SUCLG2: variants seen among roughly 807,000 people sequenced by gnomAD.
SUCLG2 encodes the protein succinate--CoA ligase [GDP-forming] subunit beta, mitochondrial.
A neutral mutation model predicts 47.9 loss-of-function variants in SUCLG2; 42 were observed. That is an observed-to-expected ratio of 0.88 (90% CI 0.69 to 1.14). The LOEUF is 1.14. Among genes scored for constraint, SUCLG2 ranks in the 50% most tolerant of loss-of-function variants. The pLI is 0.00. For synonymous variants in SUCLG2, 195 were observed against 197.3 expected (o/e 0.99, Z 0.10); for missense variants, 571 against 525.9 (o/e 1.09, Z -0.84).
At chr3:67,624,333 A>G (rs151138503) in intron 1 of SUCLG2, among the ~76,000 whole-genome samples, 3 of 152,356 alleles carry the variant, frequency 2.0e-5, no homozygotes, top group African/African-American at 4.8e-5. Context: ...TTCTCTGTGC[A>G]GAATGATAAT....
At chr3:67,499,933 G>A (rs1036047545) in intron 7 of SUCLG2, among the ~76,000 whole-genome samples, 18 of 152,068 alleles carry the variant, frequency 1.2e-4, no homozygotes, top group African/African-American at 3.6e-4. Flanking sequence ...GGGTTTCACC[G>A]TGTTAGCCAG....
intron 4 of SUCLG2, 48 bp downstream of exon 4, chr3:67,528,084 C>T: frequency 1.3e-6 from 2 of 1,530,104 alleles, no homozygotes; most frequent in Non-Finnish European, 1.8e-6. Flanking sequence ...GTTTTCTTTT[C>T]TATTTTTTAA....
Position 67,522,449 on chromosome 3 carries a change from A to G in SUCLG2, c.418-1815T>C, listed in dbSNP as rs564497469. 1.1e-4 allele frequency among the ~76,000 whole-genome samples: 17 copies of G among 152,142 alleles called. No homozygotes were observed. In the South Asian group the frequency reaches 3.3e-3, roughly 30 times the overall value. ...ATTTCTTTTAGTATCCCTGTAGATA[A>G]GTATCCTAAAAGTGAAATGTCTAGG... On this transcript the variant is annotated intron_variant, in intron 4 of 10. Coordinates refer to ENST00000307227, the MANE Select transcript of SUCLG2 (RefSeq NM_003848.4).
exon 11 of SUCLG2, chr3:67,360,478 A>AT (rs1461202747): frequency 2.7e-6 from 2 of 729,890 alleles, no homozygotes; most frequent in Non-Finnish European, 4.2e-6. Context: ...ATTCTAAAAT[A>AT]TTTTTGGTGA....
chr3:67,500,659 A>G (rs1575737975), intron 7 of SUCLG2, among the ~76,000 whole-genome samples: 1 of 152,186 alleles, frequency 6.6e-6, no homozygotes, highest in African/African-American at 2.4e-5. Context: ...AACTTCGTAC[A>G]TGGCTTTCCA....
intron 6 of SUCLG2, among the ~76,000 whole-genome samples, chr3:67,516,305 G>C (rs1043500912): frequency 3.3e-5 from 5 of 152,098 alleles, no homozygotes; most frequent in African/African-American, 7.2e-5. Context: ...TCCTTCCATA[G>C]GTAACTCATT....
chr3:67,428,914 AGAAATGAACAAAACCTCCAAG>A (rs1703383784), intron 9 of SUCLG2, among the ~76,000 whole-genome samples: 1 of 152,222 alleles, frequency 6.6e-6, no homozygotes, highest in African/African-American at 2.4e-5. Flanking sequence ...AAGAGTAAAA[AGAAATGAACAAAACCTCCAAG>A]AAATATGGGA....
At chr3:67,390,742 G>A (rs1387659590) in intron 10 of SUCLG2, among the ~76,000 whole-genome samples, 1 of 151,900 alleles carries the variant, frequency 6.6e-6, no homozygotes, top group Non-Finnish European at 1.5e-5. Context: ...AAACTGTTGA[G>A]AAATGTACAT....
At chr3:67,518,542 T>C (rs1706012911) in intron 5 of SUCLG2, among the ~76,000 whole-genome samples, 2 of 152,248 alleles carry the variant, frequency 1.3e-5, no homozygotes, top group South Asian at 2.1e-4. Context: ...CCAAAAACTA[T>C]ATAATTCTTC....
At position 67,395,936 on chromosome 3, in the gene SUCLG2, A is replaced by G. The variant is rs184379228; in HGVS notation, c.1183+4795T>C. Among the ~76,000 whole-genome samples the G allele has an allele frequency of 8.5e-5, 13 of 152,358 alleles. No individual in the cohort carries two copies. In the East Asian group the frequency reaches 2.3e-3, roughly 27 times the overall value. On this transcript the variant is annotated intron_variant, in intron 10 of 10. Coordinates refer to ENST00000307227, the MANE Select transcript of SUCLG2 (RefSeq NM_003848.4). The stretch of plus-strand genomic sequence containing the variant: ...CTGAATGACTACTGGGTACATAAGT[A>G]AATGAAGGCAGAAATAAAGATGTTT...
intron 2 of SUCLG2, among the ~76,000 whole-genome samples, chr3:67,590,517 C>A (rs1708131849): frequency 1.3e-5 from 2 of 152,106 alleles, no homozygotes; most frequent in South Asian, 4.1e-4. Flanking sequence ...ACTCTGAGTT[C>A]ATGTGAGATC....
intron 4 of SUCLG2, among the ~76,000 whole-genome samples, chr3:67,527,077 C>A (rs1182871530): frequency 6.6e-6 from 1 of 152,156 alleles, no homozygotes; most frequent in Non-Finnish European, 1.5e-5. Context: ...AATATATACA[C>A]CTACTATGTA....
Position 67,654,521 on chromosome 3 carries a change from G to T in SUCLG2, c.66C>A (p.Phe22Leu). 1 of 1,249,614 alleles carries T rather than the reference G, an allele frequency of 8.0e-7. No homozygotes were observed. The allele number at this position is 1,249,614 out of a possible 1,614,324, so 77.4% of individuals were successfully genotyped here. A position where few individuals can be genotyped will look rare whatever the true frequency, so the allele number is the denominator to read the frequency against. The change falls in exon 1 of 11, where the codon TTC (phenylalanine) becomes TTA (leucine). Residue 22 changes from phenylalanine to leucine, a missense_variant. Physicochemically the swap from Phe to Leu is conservative, Grantham distance 22. Coordinates refer to ENST00000307227, the MANE Select transcript of SUCLG2 (RefSeq NM_003848.4). ...LLRALALRPR[F>L]LAAGSQAVQL... ...CGCTCACCTGGGACCCGGCCGCCAG[G>T]AAGCGGGGCCGCAGCGCTAGGGCTC...
chr3:67,474,074 G>A (rs1385029547), intron 9 of SUCLG2, among the ~76,000 whole-genome samples: 1 of 152,188 alleles, frequency 6.6e-6, no homozygotes, highest in Middle Eastern at 3.4e-3. Flanking sequence ...TTGCTAACAC[G>A]GTGAAACCCG....
At chr3:67,592,337 A>G (rs553847311) in intron 2 of SUCLG2, among the ~76,000 whole-genome samples, 1 of 152,180 alleles carries the variant, frequency 6.6e-6, no homozygotes, top group Non-Finnish European at 1.5e-5. Context: ...AACAAACAAC[A>G]CAAATAAAGC....
intron 2 of SUCLG2, among the ~76,000 whole-genome samples, chr3:67,544,208 G>A (rs1706800575): frequency 6.6e-6 from 1 of 152,158 alleles, no homozygotes; most frequent in Non-Finnish European, 1.5e-5. Flanking sequence ...AAATTAGGAA[G>A]GGGAAATGGT....
At chr3:67,555,205 C>T (rs1888089) in intron 2 of SUCLG2, among the ~76,000 whole-genome samples, 8,196 of 152,050 alleles carry the variant, frequency 0.054, 735 homozygotes, top group African/African-American at 0.18. Context: ...AGAAAGAACC[C>T]TGAGATTTAG....
intron 9 of SUCLG2, among the ~76,000 whole-genome samples, chr3:67,455,173 T>G (rs1415962603): frequency 6.6e-6 from 1 of 152,150 alleles, no homozygotes; most frequent in Non-Finnish European, 1.5e-5. Flanking sequence ...GTTTTCTATT[T>G]CTATATATAT....
rs982088341 is a variant in SUCLG2, at chr3:67,495,911, A to T, written c.949T>A (p.Cys317Ser). 6.8e-6 allele frequency: 11 copies of T among 1,613,928 alleles called. No homozygotes were observed. The highest frequency in any genetic ancestry group is 9.3e-6 in the Non-Finnish European group (11 of 1,179,962). Reference protein sequence around the residue: ...VNGAGLAMATCDIIFLNGGKP... With the variant: ...VNGAGLAMATSDIIFLNGGKP... ...CCACCATTAAGGAAAATGATATCAC[A>T]AGTAGCCATGGCGAGCCCAGCACCA... The change falls in exon 9 of 11, where the codon TGT becomes AGT. Residue 317 changes from cysteine to serine, a missense_variant. By Grantham distance (112) the Cys-to-Ser change is moderately radical. Coordinates refer to ENST00000307227, the MANE Select transcript of SUCLG2 (RefSeq NM_003848.4).
Sources: allele counts gnomAD v4.1 joint callset (sites outside exome capture counted in the v4.1 genomes callset), GRCh38; gene constraint gnomAD v4.1.1; transcripts MANE v1.5; gene names NCBI Gene and HGNC (gene_info 2026-07-23, HGNC 2026-07-21).